LST1: variants seen among roughly 807,000 people sequenced by gnomAD.
The protein encoded by LST1 is leukocyte specific transcript 1, also known as leukocyte-specific transcript 1 protein.
Under a neutral mutation model 8.5 loss-of-function variants are expected in LST1, and 9 were observed. That is an observed-to-expected ratio of 1.06 (90% confidence interval 0.64 to 1.85). The LOEUF is 1.85. Ranked by LOEUF, LST1 falls within the 40% of genes most tolerant of loss-of-function variation. The pLI, the probability that LST1 is intolerant of heterozygous loss-of-function variation, is 0.00. For missense variants in LST1, 121 were observed against 117.1 expected, an observed-to-expected ratio of 1.03 and a Z score of -0.16; for synonymous variants, 53 against 50.4, an observed-to-expected ratio of 1.05 and a Z score of -0.21.
chr6:31,588,500 C>T lies in LST1; in HGVS notation c.136-18C>T, dbSNP rs1364023398. On this transcript the variant is annotated intron_variant, in intron 4 of 4. Transcript: ENST00000438075. ...TGACGGCATCGCCTCCCATCAGCAC[C>T]TTCTGTCCTGGTCCCAGGCCCAGGG... is the stretch of plus-strand genomic sequence containing the variant. 3 of 1,583,738 alleles carry T rather than the reference C, an allele frequency of 1.9e-6. No homozygotes were observed. In the South Asian group the frequency reaches 3.4e-5, roughly 18 times the overall value.
Position 31,588,558 on chromosome 6 carries a change from T to C in LST1, c.176T>C (p.Leu59Pro), listed in dbSNP as rs902507273. ...SSEQELHYAS[L>P]QRLPVPSSEG... ...GAGCAGGAACTCCACTATGCATCTC[T>C]GCAGAGGCTGCCAGTGCCCAGCAGT... is the stretch of plus-strand genomic sequence containing the variant. Residue 59 changes from leucine to proline, a missense_variant, in exon 5 of 5, where the codon CTG becomes CCG. Physicochemically the swap from Leu to Pro is moderately conservative, Grantham distance 98. Coordinates refer to ENST00000438075, the MANE Select transcript of LST1 (RefSeq NM_205839.3). 2.5e-6 allele frequency: 4 copies of C among 1,612,238 alleles called. No homozygotes were observed. Among genetic ancestry groups the C allele is most frequent in the Non-Finnish European group, 3.4e-6 (4 of 1,179,614 alleles).
chr6:31,587,880 A>C (rs3135041), intron 3 of LST1, 64 bp from the exon 4 acceptor site: 1 of 1,570,406 alleles, frequency 6.4e-7, no homozygotes, highest in Non-Finnish European at 8.7e-7. Context: ...TGGTGGGGGG[A>C]GCCCGGGAGG....
chr6:31,587,409 G>C, intron 2 of LST1, 91 bp downstream of exon 2: 1 of 1,449,522 alleles, frequency 6.9e-7, no homozygotes, highest in South Asian at 1.1e-5. Flanking sequence ...TCATGACTAG[G>C]TGGACAGGCC....
rs576394615 is a variant in LST1 at position 31,587,397 on chromosome 6, G to A, written c.19+79G>A. On this transcript the variant is annotated intron_variant, in intron 2 of 4. Coordinates refer to ENST00000438075, the MANE Select transcript of LST1 (RefSeq NM_205839.3). ...GTGATGGGGAACAGTGATGTATGCA[G>A]CTCATGACTAGGTGGACAGGCCTCT... 6.3e-5 allele frequency: 95 copies of A among 1,516,764 alleles called. 1 individual carries two copies. The South Asian group carries it at 9.5e-4, about 15-fold the overall frequency. 94.0% of individuals were successfully genotyped at this position (1,516,764 alleles called of 1,614,324 possible).
In LST1 at chr6:31,587,329, T is replaced by A; in HGVS notation, c.19+11T>A. The A allele has an allele frequency of 6.2e-7, 1 of 1,613,358 alleles. No homozygotes were observed. ...TATCGCGGAATGATGGTAAGTAAAG[T>A]GTCTCTTGCATCTGCATAGAGAGAG... On this transcript the variant is annotated intron_variant, in intron 2 of 4. Coordinates refer to ENST00000438075, the MANE Select transcript of LST1 (RefSeq NM_205839.3).
intron 2 of LST1, 59 bp downstream of exon 2, chr6:31,587,377 G>C: frequency 6.3e-7 from 1 of 1,588,738 alleles, no homozygotes; most frequent in Non-Finnish European, 8.6e-7. Context: ...AGGAAGTGAT[G>C]GGGAACAGTG....
chr6:31,588,816 A>G lies in LST1; in HGVS notation c.*140A>G. 1 of 1,026,894 alleles carries G rather than the reference A, an allele frequency of 9.7e-7. No homozygotes were observed. The highest frequency in any genetic ancestry group is 1.4e-5 in the South Asian group (1 of 71,276). The allele number at this position is 1,026,894 out of a possible 1,614,324, so 63.6% of individuals were successfully genotyped here. A position where few individuals can be genotyped will look rare whatever the true frequency, so the allele number is the denominator to read the frequency against. On this transcript the variant is annotated 3_prime_UTR_variant, in exon 5 of 5. Coordinates refer to ENST00000438075, the MANE Select transcript of LST1 (RefSeq NM_205839.3). Reference sequence around the variant, plus strand: ...GCCTCCGTTCAAATTGATCATCATCAAAACTTATGTGGCTTTTTGACCTTT... The same window carrying G: ...GCCTCCGTTCAAATTGATCATCATCGAAACTTATGTGGCTTTTTGACCTTT...
In LST1 at chr6:31,588,629, G is replaced by A. The variant is rs758818205; in HGVS notation, c.247G>A (p.Asp83Asn). The A allele has an allele frequency of 4.3e-5, 70 of 1,613,032 alleles. No homozygotes were observed. In the South Asian group the frequency reaches 7.5e-4, roughly 17 times the overall value. The change falls in exon 5 of 5, where the codon GAT (aspartate) becomes AAT (asparagine). Residue 83 changes from aspartate to asparagine, a missense_variant. Transcript: ENST00000438075. ...CAGAGACAAGAGAGGCACCAAGGAGGATCCAAGAGCTGACTATGCCTGCAT... is the reference window on the plus strand; with the variant it reads ...CAGAGACAAGAGAGGCACCAAGGAGAATCCAAGAGCTGACTATGCCTGCAT... ...RGRDKRGTKE[D>N]PRADYACIAE...
intron 4 of LST1, 193 bp from the exon 5 acceptor site, chr6:31,588,325 G>A (rs1470320128): frequency 1.4e-5 from 9 of 660,438 alleles, no homozygotes; most frequent in South Asian, 4.0e-5. Flanking sequence ...GAGCTCAGGG[G>A]TTGAAGACAA....
rs755635290 is a variant in LST1, at chr6:31,588,501, T to A, written c.136-17T>A. 1 of 1,584,444 alleles carries A rather than the reference T, an allele frequency of 6.3e-7. No homozygotes were observed. The highest frequency in any genetic ancestry group is 1.8e-5 in the Admixed American group (1 of 54,970). ...GACGGCATCGCCTCCCATCAGCACCTTCTGTCCTGGTCCCAGGCCCAGGGC... is the reference window on the plus strand; with the variant it reads ...GACGGCATCGCCTCCCATCAGCACCATCTGTCCTGGTCCCAGGCCCAGGGC... On this transcript the variant is annotated splice_polypyrimidine_tract_variant and intron_variant, in intron 4 of 4. Coordinates refer to ENST00000438075, the MANE Select transcript of LST1 (RefSeq NM_205839.3).
chr6:31,586,916 G>A, intron 1 of LST1: 1 of 296,674 alleles, frequency 3.4e-6, no homozygotes, highest in Non-Finnish European at 6.4e-6. Context: ...ATCCAGGGCT[G>A]AAAAGTCCCC....
intron 3 of LST1, 47 bp from the exon 4 acceptor site, chr6:31,587,897 G>T: frequency 1.9e-6 from 3 of 1,592,304 alleles, no homozygotes; most frequent in Non-Finnish European, 2.6e-6. Flanking sequence ...GAGGGCCCGG[G>T]AGAAGCACAA....
At position 31,588,713 on chromosome 6, in the gene LST1, C is replaced by G. The variant is rs758697440; in HGVS notation, c.*37C>G. ...ACCTTCCTCAACCCAGGCGGGTGGA[C>G]AGGGTCCCCCTGTGGTCCAGCCAGT... is the stretch of plus-strand genomic sequence containing the variant. On this transcript the variant is annotated 3_prime_UTR_variant, in exon 5 of 5. Transcript: ENST00000438075. 6.2e-7 allele frequency: 1 copy of G among 1,611,044 alleles called. No homozygotes were observed. Among genetic ancestry groups the G allele is most frequent in the Non-Finnish European group, 8.5e-7 (1 of 1,178,134 alleles).
chr6:31,587,088 T>C, intron 1 of LST1, 112 bp from the exon 2 acceptor site: 17 of 612,748 alleles, frequency 2.8e-5, no homozygotes, highest in Non-Finnish European at 4.4e-5. Context: ...CATGATACCC[T>C]ATGTTCTGGG....
chr6:31,588,096 G>C (rs1562498383), intron 4 of LST1, 130 bp downstream of exon 4: 1 of 945,112 alleles, frequency 1.1e-6, no homozygotes, highest in Non-Finnish European at 1.5e-6. Flanking sequence ...GAGCATGAGA[G>C]AGGCAGAGAA....
rs754305381 is a variant in LST1 at position 31,588,513 on chromosome 6, C to T, written c.136-5C>T. ...TCCCATCAGCACCTTCTGTCCTGGT[C>T]CCAGGCCCAGGGCTCCTCAGAGCAG... On this transcript the variant is annotated splice_region_variant and splice_polypyrimidine_tract_variant and intron_variant, in intron 4 of 4. Transcript: ENST00000438075. 1.3e-6 allele frequency: 2 copies of T among 1,594,616 alleles called. No homozygotes were observed.
chr6:31,588,374 AAGAGAG>A (rs9279359), intron 4 of LST1, 138 bp from the exon 5 acceptor site: 7,698 of 625,942 alleles, frequency 0.012, 40 homozygotes, highest in South Asian at 0.08. Context: ...CCAAAGAAAA[AAGAGAG>A]AGAGAGAGAG....
At chr6:31,586,900 A>G in intron 1 of LST1, 1 of 249,588 alleles carries the variant, frequency 4.0e-6, no homozygotes, top group Non-Finnish European at 7.8e-6. Flanking sequence ...ACCAGCACCT[A>G]GAACCATCCA....
intron 3 of LST1, 34 bp downstream of exon 3, chr6:31,587,767 A>C: frequency 6.6e-7 from 1 of 1,504,558 alleles, no homozygotes; most frequent in Non-Finnish European, 9.0e-7. Context: ...CCCCTGCAGC[A>C]GTGCCCCCTG....
Sources: gnomAD v4.1 joint callset for allele counts on GRCh38, gnomAD v4.1.1 for gene constraint, MANE v1.5 for transcripts, NCBI Gene and HGNC (gene_info 2026-07-23, HGNC 2026-07-21) for gene names.